The following WASHC5 variants were observed in gnomAD, a reference collection of about 807,000 sequenced individuals.
WASHC5 encodes the protein WASH complex subunit 5.
WASHC5 carries 101 observed loss-of-function variants against 150.4 expected under a neutral mutation model. The ratio of observed to expected loss-of-function variants is 0.67; its 90% CI spans 0.57 to 0.79. WASHC5 has a LOEUF of 0.79. Ranked by LOEUF, WASHC5 falls within the 30% of genes least tolerant of loss-of-function variation. WASHC5 has a pLI of 0.00. For missense variants in WASHC5, 1,195 were observed against 1,396.3 expected (o/e 0.86, Z 2.30); for synonymous variants, 467 against 491.2 (o/e 0.95, Z 0.65).
rs576927980 is a variant in WASHC5, at chr8:125,057,685, A to G, written c.1765-19T>C. 9 of 1,452,422 alleles carry G rather than the reference A, an allele frequency of 6.2e-6. No homozygotes were observed. The highest frequency in any genetic ancestry group is 1.4e-5 in the African/African-American group (1 of 71,658). The allele number at this position is 1,452,422 out of a possible 1,614,324, so 90.0% of individuals were successfully genotyped here. On this transcript the variant is annotated intron_variant, in intron 14 of 28. Transcript: ENST00000318410. ...AGGCAAGCTGGAAGAAAAATAAGGT[A>G]TATCTGTTTCTTGTTTCAAAAAGAG...
chr8:125,046,929 C>A (rs1325731441), intron 20 of WASHC5, among the ~76,000 whole-genome samples: 1 of 152,160 alleles, frequency 6.6e-6, no homozygotes, highest in African/African-American at 2.4e-5. Flanking sequence ...GAGAATCTAG[C>A]ACTTTGGGAG....
At chr8:125,068,343 T>C (rs866565260) in intron 9 of WASHC5, among the ~76,000 whole-genome samples, 9 of 152,136 alleles carry the variant, frequency 5.9e-5, no homozygotes, top group Non-Finnish European at 8.8e-5. Context: ...CAGCCCCCAA[T>C]AGAAACCGAA....
At chr8:125,037,616 G>A (rs554238409) in intron 25 of WASHC5, among the ~76,000 whole-genome samples, 23 of 152,212 alleles carry the variant, frequency 1.5e-4, no homozygotes, top group African/African-American at 4.6e-4. Context: ...AAGGGAGGGA[G>A]GAATGAGTGA....
At chr8:125,043,036 T>C (rs953839862) in intron 23 of WASHC5, among the ~76,000 whole-genome samples, 3 of 152,218 alleles carry the variant, frequency 2.0e-5, no homozygotes, top group African/African-American at 7.2e-5. Flanking sequence ...GTATGTGATA[T>C]TTTTGACCAC....
rs2384916 is a variant in WASHC5 at position 125,082,486 on chromosome 8, T to A, written c.333-19A>T. On this transcript the variant is annotated intron_variant, in intron 3 of 28. Transcript: ENST00000318410. ...TAGATATCTAGAAATAAAACCACAG[T>A]GCAAGTTATTAATTTATAATAGAAA... 281 of 1,243,604 alleles carry A rather than the reference T, an allele frequency of 2.3e-4. No homozygotes were observed. In the African/African-American group the frequency reaches 3.7e-3, roughly 17 times the overall value. 77.0% of individuals were successfully genotyped at this position (1,243,604 alleles called of 1,614,324 possible).
chr8:125,038,520 A>G (rs543443430), intron 25 of WASHC5, among the ~76,000 whole-genome samples: 2 of 152,346 alleles, frequency 1.3e-5, no homozygotes, highest in South Asian at 4.1e-4. Context: ...CAATGCTACC[A>G]TTTTGGGTTT....
At chr8:125,024,744 GA>G (rs1238131506) in intron 28 of WASHC5, 71 bp from the exon 29 acceptor site, 11 of 1,033,624 alleles carry the variant, frequency 1.1e-5, no homozygotes, top group Admixed American at 3.5e-5. Context: ...ATACGTAAAA[GA>G]AAAGATATCC....
At chr8:125,065,032 C>T (rs186751929) in intron 10 of WASHC5, among the ~76,000 whole-genome samples, 22 of 152,286 alleles carry the variant, frequency 1.4e-4, no homozygotes, top group African/African-American at 4.8e-4. Flanking sequence ...CTGAAGCCTT[C>T]GTAAGAGACT....
chr8:125,073,212 T>G lies in WASHC5; in HGVS notation c.1091A>C (p.Asn364Thr), dbSNP rs1334410488. The G allele has an allele frequency of 6.2e-7, 1 of 1,614,178 alleles. No individual in the cohort carries two copies. Among genetic ancestry groups the G allele is most frequent in the Admixed American group, 1.7e-5 (1 of 60,024 alleles). Residue 364 changes from asparagine (N) to threonine (T), a missense_variant, in exon 9 of 29, where the codon AAC becomes ACC. Coordinates refer to ENST00000318410, the MANE Select transcript of WASHC5 (RefSeq NM_014846.4). The stretch of plus-strand genomic sequence containing the variant: ...GGCAACATTGCAGTCTCTCAGGCAG[T>G]TCAGAAGCTTTGGGATATTGTCCAG... ...MVLDNIPKLL[N>T]CLRDCNVAIR...
At chr8:125,032,751 A>AT (rs1815578542) in intron 26 of WASHC5, 2 of 302,864 alleles carry the variant, frequency 6.6e-6, no homozygotes, top group Non-Finnish European at 1.3e-5. Context: ...GCAGCATGAC[A>AT]TACTAGATAC....
intron 19 of WASHC5, among the ~76,000 whole-genome samples, chr8:125,048,447 A>G (rs1190573152): frequency 2.0e-5 from 3 of 152,236 alleles, no homozygotes; most frequent in East Asian, 1.9e-4. Context: ...AAGCTGTTCA[A>G]CATCATTGGC....
chr8:125,071,699 G>C (rs980396252), intron 9 of WASHC5, among the ~76,000 whole-genome samples: 14 of 152,164 alleles, frequency 9.2e-5, no homozygotes, highest in African/African-American at 3.4e-4. Flanking sequence ...CACACCTGGT[G>C]TCTGTTTACT....
At position 125,081,661 on chromosome 8, in the gene WASHC5, C is replaced by T; in HGVS notation, c.518G>A (p.Ser173Asn). Reference protein sequence around the residue: ...ERMLVSYYRYSAARSSADSNM... With the variant: ...ERMLVSYYRYNAARSSADSNM... The stretch of plus-strand genomic sequence containing the variant: ...AAGTGTAGTCCTAGCCCAGGAATAC[C>T]TGTATCGGTAGTAAGAAACCAGCAT... Residue 173 changes from serine to asparagine, a missense_variant and splice_region_variant, in exon 5 of 29, where the codon AGT becomes AAT. By Grantham distance (46) the Ser-to-Asn change is conservative. Transcript: ENST00000318410. 6.3e-7 allele frequency: 1 copy of T among 1,581,848 alleles called. No homozygotes were observed. The highest frequency in any genetic ancestry group is 8.7e-7 in the Non-Finnish European group (1 of 1,151,508).
Position 125,040,246 on chromosome 8 carries a change from T to C in WASHC5, c.2851-348A>G, listed in dbSNP as rs1019705. The stretch of plus-strand genomic sequence containing the variant: ...TTTGGAATAAGTGCTCCAAATTTAG[T>C]AGCTGCTGTGAGAAGTCTTACTTAC... On this transcript the variant is annotated intron_variant, in intron 23 of 28. Transcript: ENST00000318410. Among the ~76,000 whole-genome samples the C allele has an allele frequency of 0.19, 28,289 of 152,188 alleles. 3,115 individuals are homozygous for C. The highest frequency in any genetic ancestry group is 0.35 in the Middle Eastern group (101 of 292).
chr8:125,047,375 T>C, intron 19 of WASHC5, 44 bp from the exon 20 acceptor site: 1 of 1,568,034 alleles, frequency 6.4e-7, no homozygotes, highest in Non-Finnish European at 8.8e-7. Context: ...TTTGATAAGA[T>C]AACCTAGTTA....
chr8:125,088,365 C>T (rs1221437101), intron 1 of WASHC5, among the ~76,000 whole-genome samples: 1 of 147,330 alleles, frequency 6.8e-6, no homozygotes, highest in Non-Finnish European at 1.5e-5. Flanking sequence ...GCGGAGGTTG[C>T]AGTGAACCGA....
intron 26 of WASHC5, among the ~76,000 whole-genome samples, chr8:125,034,867 AC>A (rs1815652624): frequency 6.6e-6 from 1 of 152,208 alleles, no homozygotes; most frequent in African/African-American, 2.4e-5. Context: ...CACTTCTACA[AC>A]TAGCACTACA....
intron 15 of WASHC5, among the ~76,000 whole-genome samples, chr8:125,057,255 C>T (rs1018594111): frequency 4.6e-5 from 7 of 152,114 alleles, no homozygotes; most frequent in Non-Finnish European, 1.0e-4. Flanking sequence ...GGCTCTTTTA[C>T]CAGATATGGC....
intron 17 of WASHC5, 123 bp from the exon 18 acceptor site, chr8:125,050,788 T>A (rs1563617915): frequency 1.4e-5 from 10 of 739,230 alleles, no homozygotes; most frequent in South Asian, 1.2e-4. Flanking sequence ...CTAAATGATT[T>A]GAATTTTTTC....
Sources: allele counts gnomAD v4.1 joint callset (sites outside exome capture counted in the v4.1 genomes callset), GRCh38; gene constraint gnomAD v4.1.1; transcripts MANE v1.5; gene names NCBI Gene and HGNC (gene_info 2026-07-23, HGNC 2026-07-21).